Variants in RBFOX3 observed in about 807,000 individuals in gnomAD.
RBFOX3 encodes the protein RNA binding fox-1 homolog 3.
In RBFOX3, 17 loss-of-function variants were observed where a neutral mutation model predicts 48.7. The ratio of observed to expected loss-of-function variants is 0.35; its 90% CI spans 0.24 to 0.52. The LOEUF (loss-of-function observed/expected upper bound fraction) is 0.52, where lower values mean the gene tolerates loss of function less well. Ranked by LOEUF, RBFOX3 falls within the 20% of genes least tolerant of loss-of-function variation. The probability of loss-of-function intolerance (pLI) is 0.94; values close to 1 mark genes in which losing one functional copy is unlikely to be tolerated. For synonymous variants in RBFOX3, 212 were observed against 209.5 expected, an observed-to-expected ratio of 1.01 and a Z score of -0.10; for missense variants, 382 against 497.5, an observed-to-expected ratio of 0.77 and a Z score of 2.21.
In RBFOX3 at chr17:79,391,518, C is replaced by G. The variant is rs1215862146; in HGVS notation, c.-174-83694G>C. On this transcript the variant is annotated intron_variant, in intron 2 of 14. Transcript: ENST00000693108. This position sits in a 1 kb window ranked among gnomAD's most constrained non-coding sequence, Gnocchi z 5.0. ...AGTTCATGACTTGTCCGCCCAAATA[C>G]GGCAAATGCCACCGATTTTAATCTC... 6.6e-6 allele frequency among the ~76,000 whole-genome samples: 1 copy of G among 152,204 alleles called. No homozygotes were observed. Among genetic ancestry groups the G allele is most frequent in the Non-Finnish European group, 1.5e-5 (1 of 68,042 alleles).
chr17:79,546,982 C>T (rs782497393), intron 1 of RBFOX3, among the ~76,000 whole-genome samples: 1 of 151,992 alleles, frequency 6.6e-6, no homozygotes, highest in African/African-American at 2.4e-5. Flanking sequence ...CTTCCTCATT[C>T]TTTAGACCCA....
chr17:79,572,423 C>A (rs1260184788), intron 1 of RBFOX3, among the ~76,000 whole-genome samples: 1 of 152,154 alleles, frequency 6.6e-6, no homozygotes, highest in African/African-American at 2.4e-5. Flanking sequence ...GGTGCCCACC[C>A]ACCATGCACA....
At chr17:79,439,062 T>C (rs1323750207) in intron 2 of RBFOX3, among the ~76,000 whole-genome samples, 2 of 152,208 alleles carry the variant, frequency 1.3e-5, no homozygotes, top group Non-Finnish European at 2.9e-5. Flanking sequence ...AATCCCAGGA[T>C]GACGAGGTAG....
chr17:79,648,872 A>G, the RBFOX3 span, among the ~76,000 whole-genome samples: 12 of 151,454 alleles, frequency 7.9e-5, no homozygotes, highest in South Asian at 1.9e-3. Flanking sequence ...AGCCTCTCCC[A>G]CCCACACCTA....
intron 2 of RBFOX3, among the ~76,000 whole-genome samples, chr17:79,372,138 C>T (rs1485104056): frequency 1.3e-5 from 2 of 152,084 alleles, no homozygotes; most frequent in Non-Finnish European, 2.9e-5. Flanking sequence ...CTCAGCAATG[C>T]GCTGCCCGGT....
At chr17:79,531,985 C>G (rs1325496145) in intron 1 of RBFOX3, among the ~76,000 whole-genome samples, 2 of 152,210 alleles carry the variant, frequency 1.3e-5, no homozygotes, top group Non-Finnish European at 2.9e-5. Flanking sequence ...GGAGGGTCCT[C>G]AAGGGATGTG....
chr17:79,439,593 C>T (rs1478638015), intron 2 of RBFOX3, among the ~76,000 whole-genome samples: 1 of 152,228 alleles, frequency 6.6e-6, no homozygotes, highest in Non-Finnish European at 1.5e-5. Context: ...TGCATACAGG[C>T]TCACAAGATG....
the RBFOX3 span, among the ~76,000 whole-genome samples, chr17:79,630,406 C>A: frequency 1.3e-5 from 2 of 152,164 alleles, no homozygotes; most frequent in Non-Finnish European, 2.9e-5. Flanking sequence ...TGGCCAGATG[C>A]AAACGTGTTG....
intron 4 of RBFOX3, among the ~76,000 whole-genome samples, chr17:79,223,300 G>A (rs917824003): frequency 5.3e-5 from 8 of 152,002 alleles, no homozygotes; most frequent in African/African-American, 1.9e-4. Context: ...CGGATGCCCT[G>A]ATACCCCTGC....
chr17:79,204,469 G>A lies in RBFOX3; in HGVS notation c.-34+31297C>T, dbSNP rs2057238791. 6.6e-6 allele frequency among the ~76,000 whole-genome samples: 1 copy of A among 152,196 alleles called. No individual in the cohort carries two copies. Among genetic ancestry groups the A allele is most frequent in the Admixed American group, 6.5e-5 (1 of 15,284 alleles). On this transcript the variant is annotated intron_variant, in intron 4 of 14. Coordinates refer to ENST00000693108, the MANE Select transcript of RBFOX3 (RefSeq NM_001350451.2). The surrounding 1 kb of genome is among the most constrained non-coding windows in gnomAD (Gnocchi z 4.5). ...GACACGCGTACCAGTCCAGTGAACA[G>A]CTCCTTGAAGCGCACACATACCGAC...
chr17:79,313,979 G>GGTCCTGCAAA (rs2077195457), intron 2 of RBFOX3, among the ~76,000 whole-genome samples: 1 of 152,162 alleles, frequency 6.6e-6, no homozygotes. Flanking sequence ...CTGCTGGGAG[G>GGTCCTGCAAA]GTCCTGCAAA....
chr17:79,498,973 C>T (rs1450629247), intron 1 of RBFOX3, among the ~76,000 whole-genome samples: 1 of 151,648 alleles, frequency 6.6e-6, no homozygotes, highest in African/African-American at 2.4e-5. Flanking sequence ...TGCACTCATC[C>T]TTCCACCTAC....
rs753407531 is a variant in RBFOX3, at chr17:79,214,386, G to A, written c.-34+21380C>T. Among the ~76,000 whole-genome samples the A allele has an allele frequency of 2.0e-5, 3 of 152,156 alleles. No homozygotes were observed. The highest frequency in any genetic ancestry group is 2.1e-4 in the South Asian group (1 of 4,818). On this transcript the variant is annotated intron_variant, in intron 4 of 14. Transcript: ENST00000693108. This position sits in a 1 kb window ranked among gnomAD's most constrained non-coding sequence, Gnocchi z 4.7. ...CCTCATTAATTAGACAAGCCCTCCC[G>A]CCCGCAGGTCCAGCAACCAGGGAGG...
rs72846028 is a variant in RBFOX3, at chr17:79,194,049, T to C, written c.-34+41717A>G. On this transcript the variant is annotated intron_variant, in intron 4 of 14. Transcript: ENST00000693108. ...AGAAGGCAGCACCGAAACCCTGATG[T>C]TCTCCCTGCCCTGTGGGTTCATTTT... is the stretch of plus-strand genomic sequence containing the variant. 7.3e-3 allele frequency among the ~76,000 whole-genome samples: 1,105 copies of C among 152,332 alleles called. 12 individuals carry two copies. The highest frequency in any genetic ancestry group is 9.8e-3 in the Non-Finnish European group (669 of 68,034).
intron 2 of RBFOX3, among the ~76,000 whole-genome samples, chr17:79,469,439 T>C (rs1395250720): frequency 6.6e-6 from 1 of 152,320 alleles, no homozygotes; most frequent in African/African-American, 2.4e-5. Context: ...CCACTCCACG[T>C]CAGGGCGCCT....
intron 2 of RBFOX3, among the ~76,000 whole-genome samples, chr17:79,368,599 A>G (rs774098668): frequency 6.6e-6 from 1 of 152,144 alleles, no homozygotes; most frequent in Non-Finnish European, 1.5e-5. Context: ...GCCATGAAAG[A>G]CACCACTCCC....
chr17:79,203,174 C>T (rs894412426), intron 4 of RBFOX3, among the ~76,000 whole-genome samples: 1 of 150,988 alleles, frequency 6.6e-6, no homozygotes, highest in African/African-American at 2.4e-5. Flanking sequence ...TTGCTAAGGA[C>T]CACGCTGCTG....
chr17:79,584,351 A>C (rs1295418282), intron 1 of RBFOX3, among the ~76,000 whole-genome samples: 1 of 152,252 alleles, frequency 6.6e-6, no homozygotes, highest in Non-Finnish European at 1.5e-5. Flanking sequence ...AAGAACTATA[A>C]GTAGAACTAC....
intron 2 of RBFOX3, among the ~76,000 whole-genome samples, chr17:79,380,493 G>A (rs2059769021): frequency 6.6e-6 from 1 of 151,880 alleles, no homozygotes; most frequent in Non-Finnish European, 1.5e-5. Context: ...GGAGAGGGCT[G>A]CACAACCCCT....
Sources: gnomAD v4.1 joint callset for allele counts (sites outside exome capture counted in the v4.1 genomes callset) on GRCh38, gnomAD v4.1.1 for gene constraint, Gnocchi (gnomAD v3.1) non-coding constraint, MANE v1.5 for transcripts, NCBI Gene and HGNC (gene_info 2026-07-23, HGNC 2026-07-21) for gene names.